DOCK7: variants seen among roughly 807,000 people sequenced by gnomAD.
DOCK7 encodes dedicator of cytokinesis 7.
DOCK7 carries 138 observed loss-of-function variants against 271.0 expected under a neutral mutation model. That is an observed-to-expected ratio of 0.51 (90% confidence interval 0.44 to 0.59). The LOEUF is 0.59. Among genes scored for constraint, DOCK7 ranks in the 20% least tolerant of loss-of-function variants. The pLI is 0.00. For missense variants in DOCK7, 2,066 were observed against 2,592.4 expected (o/e 0.80, Z 4.41); for synonymous variants, 823 against 876.1 (o/e 0.94, Z 1.07).
intron 12 of DOCK7, among the ~76,000 whole-genome samples, chr1:62,623,595 G>C (rs540230258): frequency 1.1e-3 from 163 of 152,288 alleles, no homozygotes; most frequent in African/African-American, 3.6e-3. Flanking sequence ...GAAAGCTGTG[G>C]AAATACCAAC....
In DOCK7 at chr1:62,618,794, T is replaced by C; in HGVS notation, c.1594A>G (p.Lys532Glu). ...CTAACTCTACTGTCAGGGTAAAGCTTCACTTGAAGCAGCTCCGGAGTTAGG... is the reference window on the plus strand; with the variant it reads ...CTAACTCTACTGTCAGGGTAAAGCTCCACTTGAAGCAGCTCCGGAGTTAGG... The part of the protein sequence containing the change: ...YCLTPELLQV[K>E]LYPDSRVRPT... The change falls in exon 14 of 50, where the codon AAG (lysine) becomes GAG (glutamate). Residue 532 changes from lysine to glutamate, a missense_variant. By Grantham distance (56) the Lys-to-Glu change is moderately conservative. Coordinates refer to ENST00000635253, the MANE Select transcript of DOCK7 (RefSeq NM_001367561.1). 6.2e-7 allele frequency: 1 copy of C among 1,613,788 alleles called. No individual in the cohort carries two copies. The highest frequency in any genetic ancestry group is 8.5e-7 in the Non-Finnish European group (1 of 1,179,722).
At chr1:62,623,456 C>T (rs1410123925) in intron 12 of DOCK7, among the ~76,000 whole-genome samples, 1 of 152,156 alleles carries the variant, frequency 6.6e-6, no homozygotes, top group African/African-American at 2.4e-5. Context: ...GTATTCAAAA[C>T]AGTGTCCAGA....
rs1647022169 is a variant in DOCK7 at position 62,578,851 on chromosome 1, G to C, written c.1987C>G (p.Leu663Val). 1.9e-6 allele frequency: 3 copies of C among 1,603,500 alleles called. No homozygotes were observed. Among genetic ancestry groups the C allele is most frequent in the Non-Finnish European group, 2.5e-6 (3 of 1,176,616 alleles). ...VSCQQKQNTP[L>V]ETPVGYTWIP... ...ACTGTATATCCAACTGGTGTTTCAA[G>C]AGGAGTATTTTGTTTTTGTTGACAA... is the stretch of plus-strand genomic sequence containing the variant. The change falls in exon 17 of 50, where the codon CTT (leucine) becomes GTT (valine). Residue 663 changes from leucine (L) to valine (V), a missense_variant. Around this residue, in one of 2 missense-constraint regions of DOCK7, gnomAD observed 1,414 missense variants for 1,670.4 expected, o/e 0.85. Coordinates refer to ENST00000635253, the MANE Select transcript of DOCK7 (RefSeq NM_001367561.1).
chr1:62,683,778 T>C (rs1661427395), intron 1 of DOCK7, among the ~76,000 whole-genome samples: 1 of 150,920 alleles, frequency 6.6e-6, no homozygotes, highest in Non-Finnish European at 1.5e-5. Flanking sequence ...CTACAAAAAG[T>C]GCAAAAATTA....
Position 62,523,065 on chromosome 1 carries a change from T to TG in DOCK7, c.3936+5085dup, listed in dbSNP as rs897460333. ...AAGACACTAAAGGCAGCCTAAACAATGGGGGGATTTGTGTTCAAAAATTAC... is the reference window on the plus strand; with the variant it reads ...AAGACACTAAAGGCAGCCTAAACAATGGGGGGGATTTGTGTTCAAAAATTAC... On this transcript the variant is annotated intron_variant, in intron 31 of 49. Transcript: ENST00000635253. Among the ~76,000 whole-genome samples the TG allele has an allele frequency of 2.0e-5, 3 of 152,008 alleles. No homozygotes were observed. The South Asian group carries it at 6.2e-4, about 31-fold the overall frequency.
intron 39 of DOCK7, chr1:62,494,728 C>G (rs1332883095): frequency 6.4e-6 from 2 of 314,188 alleles, no homozygotes; most frequent in African/African-American, 2.2e-5. Flanking sequence ...AAGAAAATAA[C>G]CAGTTAAGGG....
chr1:62,532,701 T>A (rs1034187872), intron 29 of DOCK7, among the ~76,000 whole-genome samples: 1 of 152,146 alleles, frequency 6.6e-6, no homozygotes, highest in African/African-American at 2.4e-5. Flanking sequence ...TTTGAACAGA[T>A]ACCTGAAGAA....
intron 1 of DOCK7, among the ~76,000 whole-genome samples, chr1:62,684,294 C>T (rs1379203907): frequency 6.6e-6 from 1 of 151,918 alleles, no homozygotes; most frequent in African/African-American, 2.4e-5. Context: ...TTTTAGGCCT[C>T]AATTCCTCAT....
intron 4 of DOCK7, among the ~76,000 whole-genome samples, chr1:62,651,888 C>T (rs1169947761): frequency 3.3e-5 from 5 of 152,140 alleles, no homozygotes; most frequent in African/African-American, 9.7e-5. Context: ...GTATCCCCCA[C>T]ATCTGTCTTA....
In DOCK7 at chr1:62,596,587, T is replaced by C. The variant is rs532426120; in HGVS notation, c.1683-9963A>G. ...ATTTTGGGAGGCCAAGGTAAAAGAA[T>C]TGCTTGAGCCCAGTATTTCCAGACC... On this transcript the variant is annotated intron_variant, in intron 14 of 49. Coordinates refer to ENST00000635253, the MANE Select transcript of DOCK7 (RefSeq NM_001367561.1). Among the ~76,000 whole-genome samples the C allele has an allele frequency of 5.9e-5, 9 of 152,242 alleles. No homozygotes were observed. In the East Asian group the frequency reaches 7.7e-4, roughly 13 times the overall value.
At chr1:62,465,736 G>C (rs1645657716) in intron 48 of DOCK7, among the ~76,000 whole-genome samples, 1 of 152,122 alleles carries the variant, frequency 6.6e-6, no homozygotes, top group African/African-American at 2.4e-5. Context: ...ATTTTTAGTA[G>C]AGATGGGGTT....
At chr1:62,629,186 T>C (rs951166516) in intron 11 of DOCK7, 6 of 152,170 alleles carry the variant, frequency 3.9e-5, no homozygotes, top group Admixed American at 1.3e-4. Context: ...GTGGCAGTCC[T>C]TCAAAAGATT....
At chr1:62,545,331 CCA>C (rs141585273) in intron 22 of DOCK7, among the ~76,000 whole-genome samples, 3,475 of 152,132 alleles carry the variant, frequency 0.023, 60 homozygotes, top group Non-Finnish European at 0.039. Flanking sequence ...TCCCACAGCA[CCA>C]CACCCCCAAA....
At chr1:62,623,677 CA>C (rs1374205975) in intron 12 of DOCK7, among the ~76,000 whole-genome samples, 2 of 152,188 alleles carry the variant, frequency 1.3e-5, no homozygotes, top group Non-Finnish European at 2.9e-5. Flanking sequence ...GTCACTGTAG[CA>C]AATCTATTAC....
intron 7 of DOCK7, chr1:62,641,660 A>G (rs890836947): frequency 9.0e-6 from 4 of 443,268 alleles, no homozygotes; most frequent in African/African-American, 6.0e-5. Context: ...CTTGGCCACA[A>G]TGGCCGCTGG....
chr1:62,651,906 G>A (rs932523036), intron 4 of DOCK7, among the ~76,000 whole-genome samples: 3 of 152,008 alleles, frequency 2.0e-5, no homozygotes, highest in Non-Finnish European at 2.9e-5. Context: ...TTAAACTACT[G>A]TATCTGCTTA....
At chr1:62,671,966 CA>C (rs11300118) in intron 1 of DOCK7, among the ~76,000 whole-genome samples, 80,799 of 141,684 alleles carry the variant, frequency 0.57, 23,995 homozygotes, top group East Asian at 0.75. Flanking sequence ...AAAATGAAGA[CA>C]AAAAAAAAAA....
intron 2 of DOCK7, 115 bp downstream of exon 2, chr1:62,662,910 A>C (rs577979116): frequency 2.8e-5 from 20 of 704,850 alleles, no homozygotes; most frequent in Non-Finnish European, 4.3e-5. Flanking sequence ...TGAGGTAACA[A>C]GTAAGGTTAT....
At chr1:62,539,962 G>A in intron 25 of DOCK7, 70 bp from the exon 26 acceptor site, 1 of 1,067,156 alleles carries the variant, frequency 9.4e-7, no homozygotes, top group Non-Finnish European at 1.3e-6. Context: ...CTAAACACTT[G>A]GACTATTTTT....
Sources: gnomAD v4.1 joint callset for allele counts (sites outside exome capture counted in the v4.1 genomes callset) on GRCh38, gnomAD v4.1.1 for gene constraint, gnomAD v4.1.1 regional missense constraint, MANE v1.5 for transcripts, NCBI Gene and HGNC (gene_info 2026-07-23, HGNC 2026-07-21) for gene names.